Variants in GABBR2 observed in about 807,000 individuals in gnomAD.
GABBR2 encodes gamma-aminobutyric acid type B receptor subunit 2.
In GABBR2, 23 loss-of-function variants were observed where a neutral mutation model predicts 105.6. The ratio of observed to expected loss-of-function variants is 0.22; its 90% CI spans 0.16 to 0.31. GABBR2 has a LOEUF of 0.31. GABBR2 is among the 10% of genes least tolerant of loss of function. The pLI, the probability that GABBR2 is intolerant of heterozygous loss-of-function variation, is 1.00. For missense variants in GABBR2, 734 were observed against 1,245.5 expected (o/e 0.59, Z 6.18); for synonymous variants, 478 against 499.7 (o/e 0.96, Z 0.58).
chr9:98,661,394 G>C (rs867291512), intron 1 of GABBR2, among the ~76,000 whole-genome samples: 1 of 151,590 alleles, frequency 6.6e-6, no homozygotes, highest in African/African-American at 2.4e-5. Flanking sequence ...GTATTGAGAC[G>C]TGTTGACTTT....
chr9:98,415,338 G>C (rs1355236626), intron 7 of GABBR2, among the ~76,000 whole-genome samples: 3 of 152,082 alleles, frequency 2.0e-5, no homozygotes, highest in Non-Finnish European at 4.4e-5. Context: ...AATATCATCA[G>C]CAATAAACTA....
chr9:98,644,111 G>A (rs113146217), intron 1 of GABBR2, among the ~76,000 whole-genome samples: 5 of 152,294 alleles, frequency 3.3e-5, no homozygotes, highest in Admixed American at 6.5e-5. Context: ...AAAGCGGAGC[G>A]ATGACCCATC....
At chr9:98,659,756 A>G (rs891664390) in intron 1 of GABBR2, among the ~76,000 whole-genome samples, 7 of 151,836 alleles carry the variant, frequency 4.6e-5, no homozygotes, top group Admixed American at 6.6e-5. Context: ...CCTGACCTCA[A>G]GTGATCCGCC....
At chr9:98,665,940 A>G (rs898472491) in intron 1 of GABBR2, among the ~76,000 whole-genome samples, 1 of 152,204 alleles carries the variant, frequency 6.6e-6, no homozygotes, top group Non-Finnish European at 1.5e-5. Flanking sequence ...CTATTCTGGT[A>G]TGGTTTACCT....
Position 98,570,832 on chromosome 9 carries a change from C to T in GABBR2, c.459+7103G>A, listed in dbSNP as rs913087634. ...GCTGTGTTAGGGCTCCCTCTGTGTC[C>T]GTTTAACAAGAGGCTGCAGCTGGAG... On this transcript the variant is annotated intron_variant, in intron 2 of 18. Transcript: ENST00000259455. 2.6e-5 allele frequency among the ~76,000 whole-genome samples: 4 copies of T among 152,222 alleles called. No individual in the cohort carries two copies. In the South Asian group the frequency reaches 6.2e-4, roughly 24 times the overall value.
At chr9:98,705,789 G>A (rs374896482) in intron 1 of GABBR2, among the ~76,000 whole-genome samples, 1 of 152,132 alleles carries the variant, frequency 6.6e-6, no homozygotes, top group Non-Finnish European at 1.5e-5. Context: ...AAAAATGAAG[G>A]AAGGGAGCTG....
chr9:98,580,967 T>A (rs1464677849), intron 1 of GABBR2: 1 of 152,190 alleles, frequency 6.6e-6, no homozygotes, highest in Non-Finnish European at 1.5e-5. Flanking sequence ...TGAACTAGGA[T>A]TTCTTGCTCC....
chr9:98,383,683 A>G (rs7031472), intron 11 of GABBR2, among the ~76,000 whole-genome samples: 20,206 of 152,214 alleles, frequency 0.13, 1,694 homozygotes, highest in African/African-American at 0.23. Flanking sequence ...CTCTGGCTAG[A>G]CAGCTCACAG....
intron 9 of GABBR2, among the ~76,000 whole-genome samples, chr9:98,393,157 C>CCCACCCATCCATCCATCCATCCAT (rs1564048540): frequency 8.7e-6 from 1 of 115,274 alleles, no homozygotes; most frequent in Admixed American, 8.8e-5. Context: ...CATCCACCAA[C>CCCACCCATCCATCCATCCATCCAT]CCATCCATCC....
intron 7 of GABBR2, among the ~76,000 whole-genome samples, chr9:98,410,505 C>CTTTTTTT (rs5899341): frequency 1.4e-4 from 18 of 126,480 alleles, no homozygotes; most frequent in Non-Finnish European, 1.6e-4. Flanking sequence ...GAGGGAAAAG[C>CTTTTTTT]TTTTTTTTTT....
intron 13 of GABBR2, among the ~76,000 whole-genome samples, chr9:98,339,463 A>G (rs1831171993): frequency 6.6e-6 from 1 of 151,986 alleles, no homozygotes; most frequent in African/African-American, 2.4e-5. Context: ...TCACCAAACC[A>G]CTTGCTCATT....
chr9:98,495,664 C>A (rs1827262903), intron 4 of GABBR2, among the ~76,000 whole-genome samples: 2 of 152,162 alleles, frequency 1.3e-5, no homozygotes, highest in African/African-American at 4.8e-5. Flanking sequence ...TTCCCTCCTA[C>A]CGTGCTGGGC....
intron 1 of GABBR2, among the ~76,000 whole-genome samples, chr9:98,596,528 G>T (rs536968390): frequency 1.1e-4 from 16 of 152,212 alleles, no homozygotes; most frequent in African/African-American, 3.9e-4. Flanking sequence ...GGAAATGGTA[G>T]GGGGATATCC....
intron 9 of GABBR2, among the ~76,000 whole-genome samples, chr9:98,391,463 C>T (rs780258848): frequency 1.1e-4 from 16 of 152,168 alleles, no homozygotes; most frequent in Admixed American, 5.2e-4. Context: ...CTGCCCGTGA[C>T]GCTGGGGTCC....
chr9:98,681,589 A>G (rs1273255479), intron 1 of GABBR2, among the ~76,000 whole-genome samples: 2 of 152,018 alleles, frequency 1.3e-5, no homozygotes, highest in Non-Finnish European at 2.9e-5. Context: ...ATAATAAAAA[A>G]AAATTTAAAA....
At chr9:98,468,855 A>G (rs1564081659) in intron 6 of GABBR2, among the ~76,000 whole-genome samples, 1 of 152,174 alleles carries the variant, frequency 6.6e-6, no homozygotes, top group South Asian at 2.1e-4. Context: ...AGATGCCACA[A>G]AAGAGCTGAT....
intron 3 of GABBR2, among the ~76,000 whole-genome samples, chr9:98,514,018 C>T (rs542132903): frequency 9.2e-5 from 14 of 151,674 alleles, no homozygotes; most frequent in African/African-American, 2.2e-4. Flanking sequence ...AAATATCCAA[C>T]GATAGACTGG....
rs2131604014 is a variant in GABBR2, at chr9:98,454,308, C to A, written c.1000-91G>T. On this transcript the variant is annotated intron_variant, in intron 6 of 18. Coordinates refer to ENST00000259455, the MANE Select transcript of GABBR2 (RefSeq NM_005458.8). The surrounding 1 kb of genome is among the most constrained non-coding windows in gnomAD (Gnocchi z 4.6). ...CGAGAAGAGCTGCTATTCTTCAATG[C>A]CCACAGGGTGCCAGGTACAGTGCTA... 1 of 850,516 alleles carries A rather than the reference C, an allele frequency of 1.2e-6. No individual in the cohort carries two copies. Among genetic ancestry groups the A allele is most frequent in the Non-Finnish European group, 2.0e-6 (1 of 493,538 alleles). The allele number at this position is 850,516 out of a possible 1,614,324, so 52.7% of individuals were successfully genotyped here. A position where few individuals can be genotyped will look rare whatever the true frequency, so the allele number is the denominator to read the frequency against.
At chr9:98,657,419 G>A (rs909082015) in intron 1 of GABBR2, among the ~76,000 whole-genome samples, 7 of 152,328 alleles carry the variant, frequency 4.6e-5, no homozygotes, top group African/African-American at 9.6e-5. Flanking sequence ...ACAGTGTGCC[G>A]TGGTCCATTT....
Sources: allele counts gnomAD v4.1 joint callset (sites outside exome capture counted in the v4.1 genomes callset), GRCh38; gene constraint gnomAD v4.1.1; non-coding constraint Gnocchi (gnomAD v3.1); transcripts MANE v1.5; gene names NCBI Gene and HGNC (gene_info 2026-07-23, HGNC 2026-07-21).